Variants in AMPH observed in about 807,000 individuals in gnomAD.
AMPH encodes the protein amphiphysin.
In AMPH, 49 loss-of-function variants were observed where a neutral mutation model predicts 99.1. That is an observed-to-expected ratio of 0.49 (90% CI 0.39 to 0.63). The LOEUF is 0.63. AMPH is among the 20% of genes least tolerant of loss of function. The pLI is 0.00. For synonymous variants in AMPH, 314 were observed against 317.3 expected (o/e 0.99, Z 0.11); for missense variants, 759 against 863.4 (o/e 0.88, Z 1.52).
At chr7:38,392,826 G>C (rs1039526519) in intron 18 of AMPH, 3 of 152,322 alleles carry the variant, frequency 2.0e-5, no homozygotes, top group Non-Finnish European at 4.4e-5. Flanking sequence ...AGATCCAGCC[G>C]GGGTTTGGAG....
At chr7:38,539,121 G>A (rs375344812) in intron 1 of AMPH, among the ~76,000 whole-genome samples, 1 of 152,300 alleles carries the variant, frequency 6.6e-6, no homozygotes, top group South Asian at 2.1e-4. Context: ...GGGACCCAGA[G>A]GTATGGTCAA....
chr7:38,442,038 G>C (rs1786577056), intron 11 of AMPH, among the ~76,000 whole-genome samples: 1 of 151,692 alleles, frequency 6.6e-6, no homozygotes, highest in Non-Finnish European at 1.5e-5. Flanking sequence ...TCACAAGTGA[G>C]AGCTAAAGGT....
At chr7:38,586,224 G>A (rs184560175) in intron 1 of AMPH, among the ~76,000 whole-genome samples, 189 of 152,256 alleles carry the variant, frequency 1.2e-3, no homozygotes, top group African/African-American at 4.4e-3. Flanking sequence ...AAAGAGAACA[G>A]TATAAAGAAC....
intron 1 of AMPH, among the ~76,000 whole-genome samples, chr7:38,589,407 T>C (rs762875333): frequency 6.6e-6 from 1 of 152,210 alleles, no homozygotes; most frequent in African/African-American, 2.4e-5. Flanking sequence ...ATCTCAGGGT[T>C]GATGTGACTG....
chr7:38,610,356 A>AG lies in AMPH; in HGVS notation c.69+20926_69+20927insC, dbSNP rs1793624669. Reference sequence around the variant, plus strand: ...GAAAAAAGAAAAGAAAAGAAAAGAAAAGAAAAGAAAAGAAAAGAAAGGAAA... The same window carrying AG: ...GAAAAAAGAAAAGAAAAGAAAAGAAAGAGAAAAGAAAAGAAAAGAAAGGAAA... On this transcript the variant is annotated intron_variant, in intron 1 of 20. Transcript: ENST00000356264. 6.1e-5 allele frequency among the ~76,000 whole-genome samples: 3 copies of AG among 49,344 alleles called. 1 individual carries two copies. Among genetic ancestry groups the AG allele is most frequent in the African/African-American group, 3.1e-4 (3 of 9,738 alleles). 32.4% of individuals were successfully genotyped at this position (49,344 alleles called of 152,430 possible).
rs1413782189 is a variant in AMPH, at chr7:38,384,809, C to T, written c.*9G>A. On this transcript the variant is annotated 3_prime_UTR_variant, in exon 21 of 21. Coordinates refer to ENST00000356264, the MANE Select transcript of AMPH (RefSeq NM_001635.4). ...CGTAACTGAGCTCCTTCTTGCAGTA[C>T]TTGTTGCCCTAATCTAAGCGTCGGG... 1 of 1,611,778 alleles carries T rather than the reference C, an allele frequency of 6.2e-7. No homozygotes were observed. The highest frequency in any genetic ancestry group is 8.5e-7 in the Non-Finnish European group (1 of 1,177,956).
At chr7:38,566,228 T>C (rs1791738152) in intron 1 of AMPH, among the ~76,000 whole-genome samples, 2 of 152,156 alleles carry the variant, frequency 1.3e-5, no homozygotes, top group Admixed American at 1.3e-4. Flanking sequence ...GACAAAAGCA[T>C]CTCATCCTAA....
chr7:38,431,654 C>T (rs1209053703), intron 13 of AMPH, among the ~76,000 whole-genome samples: 5 of 123,548 alleles, frequency 4.0e-5, no homozygotes, highest in Admixed American at 1.7e-4. Flanking sequence ...GAGACTCCGT[C>T]TTAAAAAAAA....
chr7:38,586,242 A>C (rs192851175), intron 1 of AMPH, among the ~76,000 whole-genome samples: 5 of 152,242 alleles, frequency 3.3e-5, no homozygotes, highest in Non-Finnish European at 5.9e-5. Flanking sequence ...AACCCCCACA[A>C]ACCGTTTACC....
At chr7:38,623,407 T>C (rs112128109) in intron 1 of AMPH, among the ~76,000 whole-genome samples, 12 of 152,168 alleles carry the variant, frequency 7.9e-5, no homozygotes, top group Non-Finnish European at 1.8e-4. Flanking sequence ...TATATATATG[T>C]TTGCATTAAT....
chr7:38,513,170 T>C (rs1314598117), intron 2 of AMPH, among the ~76,000 whole-genome samples: 2 of 152,184 alleles, frequency 1.3e-5, no homozygotes, highest in Non-Finnish European at 2.9e-5. Context: ...TCAAAACACA[T>C]ATTTCCAATA....
At position 38,494,510 on chromosome 7, in the gene AMPH, T is replaced by C. The variant is rs780685813; in HGVS notation, c.223A>G (p.Met75Val). ...AAIKGMQEAS[M>V]KLTESLHEVY... ...TCATGCAGCGACTCTGTGAGCTTCATGGAGGCCTCCTGCATGCCTAGTGTT... is the reference window on the plus strand; with the variant it reads ...TCATGCAGCGACTCTGTGAGCTTCACGGAGGCCTCCTGCATGCCTAGTGTT... Residue 75 changes from methionine (M) to valine (V), a missense_variant, in exon 4 of 21, where the codon ATG (methionine) becomes GTG (valine). Physicochemically the swap from Met to Val is conservative, Grantham distance 21. Around this residue, in one of 2 missense-constraint regions of AMPH, gnomAD observed 205 missense variants for 287.9 expected, o/e 0.71. Transcript: ENST00000356264. The C allele has an allele frequency of 2.5e-5, 40 of 1,613,814 alleles. No homozygotes were observed. The highest frequency in any genetic ancestry group is 3.3e-5 in the Admixed American group (2 of 60,002).
chr7:38,561,960 T>C (rs1477709289), intron 1 of AMPH, among the ~76,000 whole-genome samples: 1 of 148,448 alleles, frequency 6.7e-6, no homozygotes, highest in African/African-American at 2.5e-5. Context: ...AACCACCCAG[T>C]CTATATGTTT....
chr7:38,417,270 C>A (rs1022522005), intron 17 of AMPH, among the ~76,000 whole-genome samples: 1 of 151,568 alleles, frequency 6.6e-6, no homozygotes, highest in Non-Finnish European at 1.5e-5. Flanking sequence ...GGATCCCCAT[C>A]CCAGCACAAA....
intron 6 of AMPH, among the ~76,000 whole-genome samples, chr7:38,475,899 G>A (rs1029364953): frequency 6.6e-6 from 1 of 152,166 alleles, no homozygotes; most frequent in Non-Finnish European, 1.5e-5. Flanking sequence ...AAAGGAGGGG[G>A]TAAGAAAGAC....
Position 38,525,768 on chromosome 7 carries a change from G to A in AMPH, c.150+9163C>T, listed in dbSNP as rs566113074. Among the ~76,000 whole-genome samples, 3 of 152,260 alleles carry A rather than the reference G, an allele frequency of 2.0e-5. No individual in the cohort carries two copies. The South Asian group carries it at 6.2e-4, about 32-fold the overall frequency. On this transcript the variant is annotated intron_variant, in intron 2 of 20. Transcript: ENST00000356264. ...TGGAGATTCAAGCAGGCTTTGGTGTGTGGCCGTAGTTATTTTCTTTTCATT... is the reference window on the plus strand; with the variant it reads ...TGGAGATTCAAGCAGGCTTTGGTGTATGGCCGTAGTTATTTTCTTTTCATT...
intron 1 of AMPH, among the ~76,000 whole-genome samples, chr7:38,608,766 C>A (rs1793522850): frequency 6.6e-6 from 1 of 152,196 alleles, no homozygotes; most frequent in Non-Finnish European, 1.5e-5. Context: ...ATGGTTTTAA[C>A]CCACATGTGC....
At chr7:38,461,987 G>T (rs547197084) in intron 10 of AMPH, among the ~76,000 whole-genome samples, 1 of 152,322 alleles carries the variant, frequency 6.6e-6, no homozygotes, top group Non-Finnish European at 1.5e-5. Context: ...TTAGGAAAGT[G>T]TAAAAGCAAT....
At chr7:38,612,696 G>A (rs879939837) in intron 1 of AMPH, among the ~76,000 whole-genome samples, 20 of 152,162 alleles carry the variant, frequency 1.3e-4, no homozygotes, top group Non-Finnish European at 1.8e-4. Context: ...GAGGGTACCC[G>A]AGAGCCAGTA....
Sources: allele counts gnomAD v4.1 joint callset (sites outside exome capture counted in the v4.1 genomes callset), GRCh38; gene constraint gnomAD v4.1.1; regional missense constraint gnomAD v4.1.1; transcripts MANE v1.5; gene names NCBI Gene and HGNC (gene_info 2026-07-23, HGNC 2026-07-21).